Variants in SLF2 observed in about 807,000 individuals in gnomAD.
The protein encoded by SLF2 is SMC5/6 complex localization factor 2.
SLF2 carries 68 observed loss-of-function variants against 124.3 expected under a neutral mutation model. That is an observed-to-expected ratio of 0.55 (90% CI 0.45 to 0.67). SLF2 has a LOEUF of 0.67. Ranked by LOEUF, SLF2 falls within the 30% of genes least tolerant of loss-of-function variation. The probability of loss-of-function intolerance (pLI) is 0.00; values close to 1 mark genes in which losing one functional copy is unlikely to be tolerated. For missense variants in SLF2, 1,246 were observed against 1,373.7 expected (o/e 0.91, Z 1.47); for synonymous variants, 480 against 478.8 (o/e 1.00, Z -0.03).
At chr10:100,950,953 AT>A in intron 17 of SLF2, among the ~76,000 whole-genome samples, 200 bp downstream of exon 17, 1 of 152,292 alleles carries the variant, frequency 6.6e-6, no homozygotes, top group East Asian at 1.9e-4. Context: ...ATTGAAAAGA[AT>A]TGTTGGCCAG....
chr10:100,920,320 C>G (rs1323871203), intron 4 of SLF2, among the ~76,000 whole-genome samples: 1 of 152,100 alleles, frequency 6.6e-6, no homozygotes, highest in Non-Finnish European at 1.5e-5. Context: ...TTGAAAAAAT[C>G]TTTTCATTTC....
At position 100,924,444 on chromosome 10, in the gene SLF2, T is replaced by C. The variant is rs1407552625; in HGVS notation, c.1443T>C (p.Ser481=). The C allele has an allele frequency of 1.2e-6, 2 of 1,614,190 alleles. No individual in the cohort carries two copies. The highest frequency in any genetic ancestry group is 8.5e-7 in the Non-Finnish European group (1 of 1,180,044). The change falls in exon 5 of 20, where the codon AGT becomes AGC. Residue 481 remains serine, a synonymous_variant. Transcript: ENST00000238961. The part of the protein sequence containing the change: ...TKLPLLSRVP[S]AGSSLVPLNA... ...TACCTTTACTTTCCCGTGTTCCAAG[T>C]GCTGGTTCCTCTCTAGTACCATTAA...
intron 11 of SLF2, among the ~76,000 whole-genome samples, chr10:100,940,627 G>T (rs1380591916): frequency 1.3e-5 from 2 of 152,000 alleles, no homozygotes; most frequent in East Asian, 3.9e-4. Flanking sequence ...TTCCCAAACT[G>T]CTGGGATTAC....
chr10:100,944,102 G>A lies in SLF2; in HGVS notation c.2731G>A (p.Glu911Lys), dbSNP rs1304911302. The A allele has an allele frequency of 6.2e-7, 1 of 1,611,680 alleles. No individual in the cohort carries two copies. Among genetic ancestry groups the A allele is most frequent in the Admixed American group, 1.7e-5 (1 of 59,826 alleles). ...SYKPIFSTLP[E>K]TNILNVVKFL... Reference sequence around the variant, plus strand: ...TAAGCCAATTTTTTCAACACTTCCTGAAACCAACATTTTAAATGTGGTTAA... The same window carrying A: ...TAAGCCAATTTTTTCAACACTTCCTAAAACCAACATTTTAAATGTGGTTAA... The change falls in exon 12 of 20, where the codon GAA becomes AAA. Residue 911 changes from glutamate to lysine, a missense_variant. Around this residue, in one of 3 missense-constraint regions of SLF2, gnomAD observed 535 missense variants for 632.8 expected, o/e 0.85. Transcript: ENST00000238961.
intron 11 of SLF2, among the ~76,000 whole-genome samples, chr10:100,941,095 C>T (rs1290505904): frequency 3.3e-5 from 5 of 150,948 alleles, no homozygotes; most frequent in African/African-American, 1.2e-4. Flanking sequence ...ACACCTTGGC[C>T]TCCCAAAGTG....
At chr10:100,946,207 C>T (rs973453852) in intron 13 of SLF2, among the ~76,000 whole-genome samples, 2 of 152,022 alleles carry the variant, frequency 1.3e-5, no homozygotes, top group African/African-American at 4.8e-5. Flanking sequence ...CATAATCTTG[C>T]CTAATGTAAA....
intron 6 of SLF2, chr10:100,926,392 C>G (rs1849615387): frequency 1.9e-6 from 2 of 1,043,382 alleles, no homozygotes; most frequent in Non-Finnish European, 2.6e-6. Context: ...TCTCTTGAGC[C>G]CAGGAGTTTG....
rs779248520 is a variant in SLF2 at position 100,924,443 on chromosome 10, G to A, written c.1442G>A (p.Ser481Asn). ...TKLPLLSRVP[S>N]AGSSLVPLNA... ...CTACCTTTACTTTCCCGTGTTCCAA[G>A]TGCTGGTTCCTCTCTAGTACCATTA... The change falls in exon 5 of 20, where the codon AGT becomes AAT. Residue 481 changes from serine to asparagine, a missense_variant. By Grantham distance (46) the Ser-to-Asn change is conservative (BLOSUM62 1). Around this residue, in one of 3 missense-constraint regions of SLF2, gnomAD observed 698 missense variants for 708.9 expected, o/e 0.98. Transcript: ENST00000238961. The A allele has an allele frequency of 1.9e-6, 3 of 1,614,182 alleles. No homozygotes were observed. In the South Asian group the frequency reaches 3.3e-5, roughly 18 times the overall value.
intron 13 of SLF2, among the ~76,000 whole-genome samples, chr10:100,946,439 T>A (rs563093293): frequency 1.3e-5 from 2 of 151,792 alleles, no homozygotes; most frequent in Admixed American, 6.6e-5. Context: ...CGATTCTCAT[T>A]CCTCAACCTC....
At chr10:100,931,620 G>A (rs1429000130) in intron 9 of SLF2, among the ~76,000 whole-genome samples, 1 of 152,130 alleles carries the variant, frequency 6.6e-6, no homozygotes, top group Admixed American at 6.5e-5. Context: ...TGGTATCATT[G>A]ATGCTTATGT....
At chr10:100,952,080 C>A (rs1303151199) in intron 17 of SLF2, among the ~76,000 whole-genome samples, 1 of 150,144 alleles carries the variant, frequency 6.7e-6, no homozygotes, top group Non-Finnish European at 1.5e-5. Context: ...CCCGTCTCTA[C>A]AGAAATACAA....
rs1479863838 is a variant in SLF2 at position 100,963,742 on chromosome 10, T to C, written c.*1830T>C. ...TGTAATTTACAGTGTGTAAATATTT[T>C]CTAATTGTGTACATTGATGGGGGGG... On this transcript the variant is annotated 3_prime_UTR_variant, in exon 20 of 20. Transcript: ENST00000238961. 1 of 152,642 alleles carries C rather than the reference T, an allele frequency of 6.6e-6. No individual in the cohort carries two copies. Among genetic ancestry groups the C allele is most frequent in the Non-Finnish European group, 1.5e-5 (1 of 68,040 alleles). The allele number at this position is 152,642 out of a possible 1,614,324, so 9.5% of individuals were successfully genotyped here.
intron 13 of SLF2, among the ~76,000 whole-genome samples, chr10:100,945,923 T>C (rs1436073601): frequency 6.6e-6 from 1 of 152,172 alleles, no homozygotes. Context: ...CAAGACCAGA[T>C]GCTATGCTAT....
At chr10:100,957,482 CTG>C (rs1319662671) in intron 18 of SLF2, among the ~76,000 whole-genome samples, 7 of 151,174 alleles carry the variant, frequency 4.6e-5, no homozygotes, top group East Asian at 1.9e-4. Context: ...TCCCAAGTAA[CTG>C]GGATTACAGG....
At position 100,950,574 on chromosome 10, in the gene SLF2, C is replaced by T. The variant is rs527536156; in HGVS notation, c.3253-102C>T. ...TACTGACCAGCTGGGTTAACTTGAC[C>T]GTATCCTTTATCCTTCCTGGGCAAT... On this transcript the variant is annotated intron_variant, in intron 16 of 19. Coordinates refer to ENST00000238961, the MANE Select transcript of SLF2 (RefSeq NM_018121.4). The T allele has an allele frequency of 4.9e-4, 479 of 973,406 alleles. 3 individuals are homozygous for T. The South Asian group carries it at 6.9e-3, about 14-fold the overall frequency. 60.3% of individuals were successfully genotyped at this position (973,406 alleles called of 1,614,324 possible). A position where few individuals can be genotyped will look rare whatever the true frequency, so the allele number is the denominator to read the frequency against.
At chr10:100,957,776 T>C (rs749062215) in intron 18 of SLF2, among the ~76,000 whole-genome samples, 28 of 152,120 alleles carry the variant, frequency 1.8e-4, no homozygotes, top group Non-Finnish European at 5.9e-5. Context: ...TCAAAGACAG[T>C]AGAAAAGCCA....
At chr10:100,948,490 TA>T (rs981332029) in intron 15 of SLF2, among the ~76,000 whole-genome samples, 2 of 151,722 alleles carry the variant, frequency 1.3e-5, no homozygotes, top group Non-Finnish European at 2.9e-5. Flanking sequence ...TGTTTTTAAT[TA>T]AAAAAAATGT....
In SLF2 at chr10:100,925,737, C is replaced by T. The variant is rs533671016; in HGVS notation, c.1972-212C>T. Among the ~76,000 whole-genome samples, 392 of 152,304 alleles carry T rather than the reference C, an allele frequency of 2.6e-3. 3 individuals are homozygous for T. The highest frequency in any genetic ancestry group is 9.1e-3 in the African/African-American group (380 of 41,560). Reference sequence around the variant, plus strand: ...CAAAGTTAGCAGGGTTTTATAAGTACTGCCTTTCCTAATAGGTAGTAAAAT... The same window carrying T: ...CAAAGTTAGCAGGGTTTTATAAGTATTGCCTTTCCTAATAGGTAGTAAAAT... On this transcript the variant is annotated intron_variant, in intron 5 of 19. Coordinates refer to ENST00000238961, the MANE Select transcript of SLF2 (RefSeq NM_018121.4).
intron 17 of SLF2, among the ~76,000 whole-genome samples, chr10:100,955,235 C>T (rs1339193182): frequency 2.6e-5 from 4 of 151,486 alleles, no homozygotes; most frequent in Admixed American, 1.3e-4. Flanking sequence ...CTACCTCGCC[C>T]GGCTGACCCT....
Sources: allele counts gnomAD v4.1 joint callset (sites outside exome capture counted in the v4.1 genomes callset), GRCh38; gene constraint gnomAD v4.1.1; regional missense constraint gnomAD v4.1.1; transcripts MANE v1.5; gene names NCBI Gene and HGNC (gene_info 2026-07-23, HGNC 2026-07-21).